The following THRB variants were observed in gnomAD, a reference collection of about 807,000 sequenced individuals.
THRB encodes the protein nuclear receptor subfamily 1 group A member 2.
Under a neutral mutation model 47.8 loss-of-function variants are expected in THRB, and 12 were observed. The observed-to-expected ratio is 0.25, with a 90% CI of 0.16 to 0.41. The LOEUF is 0.41. Ranked by LOEUF, THRB falls within the 10% of genes least tolerant of loss-of-function variation. The pLI is 1.00. For missense variants in THRB, 348 were observed against 589.2 expected, an observed-to-expected ratio of 0.59 and a Z score of 4.24; for synonymous variants, 218 against 212.2, an observed-to-expected ratio of 1.03 and a Z score of -0.24.
chr3:24,322,892 G>T (rs1377856218), intron 2 of THRB, among the ~76,000 whole-genome samples: 2 of 151,968 alleles, frequency 1.3e-5, no homozygotes, highest in Admixed American at 6.5e-5. Context: ...CTAATATCCT[G>T]CCACCTTTTG....
intron 1 of THRB, among the ~76,000 whole-genome samples, chr3:24,341,114 T>C (rs1370244709): frequency 6.8e-6 from 1 of 147,324 alleles, no homozygotes; most frequent in Non-Finnish European, 1.5e-5. Context: ...GGGAGTTTTG[T>C]CAATATCTAT....
chr3:24,354,006 T>C (rs1334390626), intron 1 of THRB, among the ~76,000 whole-genome samples: 1 of 152,148 alleles, frequency 6.6e-6, no homozygotes, highest in Non-Finnish European at 1.5e-5. Context: ...TAGTATTCCA[T>C]GGGGTATATG....
chr3:24,281,114 C>A (rs1386077846), intron 3 of THRB, among the ~76,000 whole-genome samples: 1 of 152,086 alleles, frequency 6.6e-6, no homozygotes, highest in Non-Finnish European at 1.5e-5. Context: ...TCGAGAAGAG[C>A]AACACCAAGA....
chr3:24,338,094 T>C (rs1451911664), intron 1 of THRB, among the ~76,000 whole-genome samples: 1 of 152,142 alleles, frequency 6.6e-6, no homozygotes, highest in African/African-American at 2.4e-5. Flanking sequence ...GTAAATAACG[T>C]AGAAATTTTA....
intron 4 of THRB, among the ~76,000 whole-genome samples, chr3:24,190,884 GAAA>G (rs59313395): frequency 7.6e-6 from 1 of 131,422 alleles, no homozygotes; most frequent in Non-Finnish European, 1.7e-5. Flanking sequence ...CCTACAAAAA[GAAA>G]AAAAAAAAAA....
chr3:24,188,887 G>C (rs149353073), intron 5 of THRB, among the ~76,000 whole-genome samples: 1,061 of 73,542 alleles, frequency 0.014, 55 homozygotes, highest in African/African-American at 0.099. Context: ...ATATATATGA[G>C]AGAAAGAGAG....
chr3:24,292,194 A>G (rs1043241257), intron 3 of THRB, among the ~76,000 whole-genome samples: 2 of 152,330 alleles, frequency 1.3e-5, no homozygotes, highest in Middle Eastern at 6.8e-3. Context: ...GGTAAGGTAT[A>G]CAAGAAAATG....
rs544286413 is a variant in THRB at position 24,335,249 on chromosome 3, T to A, written c.-189+2051A>T. ...CAAATATTGTCCTCTGAATCTCTAC[T>A]CCCAGAACTCCCAGGTCTCACATCT... On this transcript the variant is annotated intron_variant, in intron 2 of 10. Transcript: ENST00000646209. Among the ~76,000 whole-genome samples the A allele has an allele frequency of 9.2e-5, 14 of 152,304 alleles. No individual in the cohort carries two copies. The South Asian group carries it at 2.9e-3, about 32-fold the overall frequency.
intron 1 of THRB, among the ~76,000 whole-genome samples, chr3:24,343,145 G>C (rs2062790817): frequency 6.6e-6 from 1 of 152,182 alleles, no homozygotes. Flanking sequence ...AACCAGACTA[G>C]GGGTTATTAA....
At chr3:24,207,296 C>T (rs1468820558) in intron 4 of THRB, among the ~76,000 whole-genome samples, 2 of 152,176 alleles carry the variant, frequency 1.3e-5, no homozygotes, top group African/African-American at 4.8e-5. Context: ...GCTTACCCAC[C>T]ATGATCAAGT....
chr3:24,150,439 C>A (rs763989992), intron 6 of THRB, among the ~76,000 whole-genome samples: 2 of 152,040 alleles, frequency 1.3e-5, no homozygotes, highest in Non-Finnish European at 2.9e-5. Context: ...TGAAGGCAAC[C>A]CTAGAAACAG....
intron 5 of THRB, among the ~76,000 whole-genome samples, chr3:24,166,162 T>A (rs1193221940): frequency 6.6e-6 from 1 of 152,210 alleles, no homozygotes; most frequent in Non-Finnish European, 1.5e-5. Context: ...TCCTTGCGCA[T>A]GATTATTTTC....
intron 1 of THRB, among the ~76,000 whole-genome samples, chr3:24,400,903 T>C (rs572020874): frequency 1.3e-5 from 2 of 152,160 alleles, no homozygotes; most frequent in South Asian, 4.1e-4. Context: ...GCTCTGTAAG[T>C]AGTAATAAGA....
At chr3:24,127,396 T>C in intron 10 of THRB, 103 bp downstream of exon 10, 1 of 1,259,112 alleles carries the variant, frequency 7.9e-7, no homozygotes, top group Non-Finnish European at 1.1e-6. Flanking sequence ...GAGTGAGCTA[T>C]GTTTCTGAAG....
chr3:24,440,555 ATT>A (rs756505493), intron 1 of THRB, among the ~76,000 whole-genome samples: 2 of 152,262 alleles, frequency 1.3e-5, no homozygotes, highest in Non-Finnish European at 2.9e-5. Context: ...AGTCACATGC[ATT>A]TATTAGAATA....
rs114742724 is a variant in THRB at position 24,306,255 on chromosome 3, C to T, written c.-188-8884G>A. On this transcript the variant is annotated intron_variant, in intron 2 of 10. Coordinates refer to ENST00000646209, the MANE Select transcript of THRB (RefSeq NM_001354712.2). ...TAACTGTAATAGATAGCAGCTCCCC[C>T]GAATCTAAATTTCCTGGCACATGCC... Among the ~76,000 whole-genome samples the T allele has an allele frequency of 6.0e-3, 917 of 152,308 alleles. 8 individuals carry two copies. The highest frequency in any genetic ancestry group is 7.3e-3 in the Non-Finnish European group (494 of 68,034).
At chr3:24,354,127 G>T (rs2063524051) in intron 1 of THRB, among the ~76,000 whole-genome samples, 1 of 152,192 alleles carries the variant, frequency 6.6e-6, no homozygotes, top group South Asian at 2.1e-4. Context: ...CACAGGAACA[G>T]AAAGCCAAAC....
At chr3:24,299,698 T>G (rs1449062421) in intron 2 of THRB, among the ~76,000 whole-genome samples, 1 of 151,636 alleles carries the variant, frequency 6.6e-6, no homozygotes, top group African/African-American at 2.4e-5. Flanking sequence ...TATTTAGAAA[T>G]TTATCATCAG....
intron 1 of THRB, among the ~76,000 whole-genome samples, chr3:24,381,539 G>C (rs1258083082): frequency 6.6e-6 from 1 of 152,106 alleles, no homozygotes; most frequent in African/African-American, 2.4e-5. Context: ...AAGTTACATA[G>C]AACTTACTGT....
Sources: gnomAD v4.1 joint callset for allele counts (sites outside exome capture counted in the v4.1 genomes callset) on GRCh38, gnomAD v4.1.1 for gene constraint, MANE v1.5 for transcripts, NCBI Gene and HGNC (gene_info 2026-07-23, HGNC 2026-07-21) for gene names.